The following CHD2 variants were observed in gnomAD, a reference collection of about 807,000 sequenced individuals.
The protein encoded by CHD2 is ATP-dependent chromatin remodeler CHD2.
Under a neutral mutation model 243.9 loss-of-function variants are expected in CHD2, and 28 were observed. That is an observed-to-expected ratio of 0.11 (90% CI 0.09 to 0.16). CHD2 has a LOEUF of 0.16. CHD2 is among the 10% of genes least tolerant of loss of function. The pLI is 1.00. For synonymous variants in CHD2, 775 were observed against 779.0 expected, an observed-to-expected ratio of 0.99 and a Z score of 0.09; for missense variants, 1,386 against 2,209.8, an observed-to-expected ratio of 0.63 and a Z score of 7.47.
rs149198179 is a variant in CHD2 at position 92,928,200 on chromosome 15, T to C, written c.382-830T>C. On this transcript the variant is annotated intron_variant, in intron 4 of 38. Transcript: ENST00000394196. ...CCTAACATCTGCATTACATTTGTGA[T>C]GTTTTATTTTGAGTGACCTCTGAGC... Among the ~76,000 whole-genome samples the C allele has an allele frequency of 8.0e-3, 1,226 of 152,354 alleles. 55 individuals are homozygous for C. The highest frequency in any genetic ancestry group is 0.069 in the Admixed American group (1,052 of 15,302).
Position 92,900,537 on chromosome 15 carries a change from T to C in CHD2, c.-359T>C, listed in dbSNP as rs2052514683. The stretch of plus-strand genomic sequence containing the variant: ...TTAGGAGCTTTCTTTTCGTGCCTTG[T>C]TGGAAAGAAGCAGCCGTACTGAGAG... On this transcript the variant is annotated 5_prime_UTR_variant, in exon 1 of 39. Transcript: ENST00000394196. 2.5e-6 allele frequency: 1 copy of C among 398,742 alleles called. No homozygotes were observed. The highest frequency in any genetic ancestry group is 3.6e-5 in the East Asian group (1 of 28,070). The allele number at this position is 398,742 out of a possible 1,614,324, so 24.7% of individuals were successfully genotyped here.
intron 37 of CHD2, among the ~76,000 whole-genome samples, chr15:93,017,331 C>T (rs28532986): frequency 0.88 from 132,168 of 149,540 alleles, 60,259 homozygotes; most frequent in East Asian, 1. Flanking sequence ...ACACTTCTTT[C>T]TTTTTTTGGG....
chr15:93,006,124 C>CTTTTTTT (rs55820002), intron 34 of CHD2, among the ~76,000 whole-genome samples: 2 of 125,266 alleles, frequency 1.6e-5, no homozygotes, highest in Non-Finnish European at 3.3e-5. Flanking sequence ...CTCTCTCTCT[C>CTTTTTTT]TTTTTTTTTT....
intron 2 of CHD2, among the ~76,000 whole-genome samples, chr15:92,911,372 A>G (rs1420552961): frequency 6.6e-6 from 1 of 152,200 alleles, no homozygotes; most frequent in Non-Finnish European, 1.5e-5. Context: ...TAGAATTGGG[A>G]TTCAAACAGT....
chr15:93,001,278 G>A (rs1309294768), intron 32 of CHD2, among the ~76,000 whole-genome samples: 1 of 152,194 alleles, frequency 6.6e-6, no homozygotes, highest in Non-Finnish European at 1.5e-5. Context: ...TGTAAAGGGG[G>A]CAGCTGCTAT....
intron 26 of CHD2, among the ~76,000 whole-genome samples, chr15:92,986,493 A>G (rs2054044486): frequency 6.6e-6 from 1 of 151,916 alleles, no homozygotes; most frequent in Non-Finnish European, 1.5e-5. Flanking sequence ...AAATATTTCA[A>G]AATACTGACA....
chr15:92,986,724 G>C (rs2054047860), intron 26 of CHD2, among the ~76,000 whole-genome samples: 1 of 152,070 alleles, frequency 6.6e-6, no homozygotes. Flanking sequence ...TTTCTGTATA[G>C]TTGTGGTTAT....
intron 2 of CHD2, among the ~76,000 whole-genome samples, chr15:92,909,717 A>T (rs1285938863): frequency 6.6e-6 from 1 of 151,828 alleles, no homozygotes; most frequent in Admixed American, 6.6e-5. Flanking sequence ...TTTTGTAGAG[A>T]TGGGTTTGGA....
chr15:92,928,883 A>G (rs962319483), intron 4 of CHD2, 147 bp from the exon 5 acceptor site: 1 of 596,078 alleles, frequency 1.7e-6, no homozygotes, highest in Non-Finnish European at 2.8e-6. Context: ...AGGGAGTTCC[A>G]CCAAGCAAGT....
At chr15:92,967,261 G>GT (rs999225857) in intron 16 of CHD2, 64 bp from the exon 17 acceptor site, 67 of 1,206,484 alleles carry the variant, frequency 5.6e-5, no homozygotes, top group East Asian at 7.4e-5. Context: ...TTTTTTTACA[G>GT]TTTTTTTTCC....
Position 92,943,178 on chromosome 15 carries a change from G to T in CHD2, c.1052+110G>T, listed in dbSNP as rs746376833. 11 of 835,894 alleles carry T rather than the reference G, an allele frequency of 1.3e-5. No homozygotes were observed. In the East Asian group the frequency reaches 2.9e-4, roughly 22 times the overall value. 51.8% of individuals were successfully genotyped at this position (835,894 alleles called of 1,614,324 possible). A position where few individuals can be genotyped will look rare whatever the true frequency, so the allele number is the denominator to read the frequency against. On this transcript the variant is annotated intron_variant, in intron 9 of 38. Coordinates refer to ENST00000394196, the MANE Select transcript of CHD2 (RefSeq NM_001271.4). ...TATCTAGAATCTCAGATTTTGCTTTGATCATCTAAACATGGAGCCATTTAC... is the reference window on the plus strand; with the variant it reads ...TATCTAGAATCTCAGATTTTGCTTTTATCATCTAAACATGGAGCCATTTAC...
At chr15:92,973,368 G>A (rs747354054) in intron 19 of CHD2, among the ~76,000 whole-genome samples, 9 of 152,018 alleles carry the variant, frequency 5.9e-5, no homozygotes, top group Admixed American at 3.9e-4. Context: ...AGACATATAC[G>A]CAATTTACCT....
intron 2 of CHD2, among the ~76,000 whole-genome samples, chr15:92,908,484 CTG>C (rs887927961): frequency 2.6e-5 from 4 of 152,058 alleles, no homozygotes; most frequent in African/African-American, 9.7e-5. Context: ...CCATTTCAGA[CTG>C]TGGAGAGCTT....
At chr15:92,982,593 G>T (rs112540215) in intron 24 of CHD2, among the ~76,000 whole-genome samples, 4 of 152,164 alleles carry the variant, frequency 2.6e-5, no homozygotes, top group African/African-American at 4.8e-5. Context: ...ATTGACCATG[G>T]GTTGATTCCA....
At chr15:92,931,526 T>G (rs1207422177) in intron 5 of CHD2, among the ~76,000 whole-genome samples, 1 of 152,018 alleles carries the variant, frequency 6.6e-6, no homozygotes, top group African/African-American at 2.4e-5. Flanking sequence ...ACGACAGGCG[T>G]GCACCACCAT....
intron 37 of CHD2, 63 bp from the exon 38 acceptor site, chr15:93,019,949 T>C: frequency 2.0e-6 from 3 of 1,482,654 alleles, no homozygotes; most frequent in Non-Finnish European, 2.7e-6. Context: ...AAAAAAAAAT[T>C]GTAGTGAAAG....
chr15:92,988,273 T>C (rs2054070996), intron 26 of CHD2, among the ~76,000 whole-genome samples: 1 of 152,052 alleles, frequency 6.6e-6, no homozygotes, highest in African/African-American at 2.4e-5. Flanking sequence ...TTAGTAGAGA[T>C]GGGATTTCAC....
At chr15:92,938,804 G>C (rs1360591629) in intron 6 of CHD2, among the ~76,000 whole-genome samples, 1 of 152,128 alleles carries the variant, frequency 6.6e-6, no homozygotes, top group Non-Finnish European at 1.5e-5. Context: ...ATTTCCTTAG[G>C]TGAGCTTCTA....
At chr15:92,902,459 A>G (rs913284994) in intron 2 of CHD2, 3 of 315,084 alleles carry the variant, frequency 9.5e-6, no homozygotes, top group Non-Finnish European at 1.7e-5. Context: ...TCTAATTTTT[A>G]TAAATAATAC....
Sources: gnomAD v4.1 joint callset for allele counts (sites outside exome capture counted in the v4.1 genomes callset) on GRCh38, gnomAD v4.1.1 for gene constraint, MANE v1.5 for transcripts, NCBI Gene and HGNC (gene_info 2026-07-23, HGNC 2026-07-21) for gene names.